TGFBR3: variants seen among roughly 807,000 people sequenced by gnomAD.
TGFBR3 encodes the protein transforming growth factor beta receptor 3.
Under a neutral mutation model 87.9 loss-of-function variants are expected in TGFBR3, and 46 were observed. That is an observed-to-expected ratio of 0.52 (90% CI 0.41 to 0.67). The LOEUF is 0.67. Ranked by LOEUF, TGFBR3 falls within the 30% of genes least tolerant of loss-of-function variation. The pLI is 0.00. For missense variants in TGFBR3, 866 were observed against 1,041.9 expected (o/e 0.83, Z 2.32); for synonymous variants, 381 against 391.6 (o/e 0.97, Z 0.32).
At chr1:91,865,844 G>A (rs1303643659) in intron 1 of TGFBR3, among the ~76,000 whole-genome samples, 4 of 151,684 alleles carry the variant, frequency 2.6e-5, no homozygotes, top group East Asian at 3.9e-4. Flanking sequence ...CCCAGGAGGC[G>A]GAGCTTGCAG....
intron 2 of TGFBR3, among the ~76,000 whole-genome samples, chr1:91,842,830 T>C (rs1677338636): frequency 6.6e-6 from 1 of 152,196 alleles, no homozygotes; most frequent in African/African-American, 2.4e-5. Flanking sequence ...TTAGCAGTAT[T>C]GTATAGATAA....
At chr1:91,733,902 G>A (rs1672859781) in intron 5 of TGFBR3, among the ~76,000 whole-genome samples, 1 of 152,050 alleles carries the variant, frequency 6.6e-6, no homozygotes, top group Non-Finnish European at 1.5e-5. Context: ...AGGTATGATG[G>A]CATATGCCTG....
chr1:91,778,000 A>G (rs1674626073), intron 3 of TGFBR3, among the ~76,000 whole-genome samples: 1 of 152,182 alleles, frequency 6.6e-6, no homozygotes, highest in Non-Finnish European at 1.5e-5. Flanking sequence ...AAAGATTCAC[A>G]TGTACTCTGT....
At chr1:91,715,529 ACT>A (rs1672135514) in intron 12 of TGFBR3, among the ~76,000 whole-genome samples, 1 of 151,928 alleles carries the variant, frequency 6.6e-6, no homozygotes, top group Admixed American at 6.6e-5. Context: ...AATACTTACA[ACT>A]CTGTTTGGCA....
intron 2 of TGFBR3, among the ~76,000 whole-genome samples, chr1:91,844,696 G>A (rs1173917414): frequency 1.3e-5 from 2 of 152,128 alleles, no homozygotes; most frequent in East Asian, 3.8e-4. Context: ...TTAACTATCA[G>A]TTGTAATGTT....
At chr1:91,759,596 A>G (rs1015986630) in intron 3 of TGFBR3, among the ~76,000 whole-genome samples, 10 of 152,136 alleles carry the variant, frequency 6.6e-5, no homozygotes. Context: ...TAGGAGAACA[A>G]AGGGATATAT....
chr1:91,745,033 CAT>C (rs1327065934), intron 4 of TGFBR3, among the ~76,000 whole-genome samples: 2 of 141,692 alleles, frequency 1.4e-5, no homozygotes, highest in Admixed American at 7.1e-5. Context: ...CACACACACA[CAT>C]CCCCTACAAC....
chr1:91,839,403 T>C (rs1677185156), intron 2 of TGFBR3, among the ~76,000 whole-genome samples: 1 of 152,216 alleles, frequency 6.6e-6, no homozygotes, highest in Non-Finnish European at 1.5e-5. Context: ...AAATTTTTCA[T>C]ACTCCGTAAC....
chr1:91,852,881 A>T (rs74574034), intron 2 of TGFBR3, among the ~76,000 whole-genome samples: 2 of 152,152 alleles, frequency 1.3e-5, no homozygotes, highest in Admixed American at 6.5e-5. Flanking sequence ...AAGGCCAGGC[A>T]TGATGGCTCA....
intron 16 of TGFBR3, 109 bp downstream of exon 16, chr1:91,695,563 G>C: frequency 1.1e-6 from 1 of 928,748 alleles, no homozygotes; most frequent in South Asian, 1.3e-5. Context: ...AAAATAGTAG[G>C]AATGAACTTT....
intron 2 of TGFBR3, among the ~76,000 whole-genome samples, chr1:91,813,108 T>C (rs1676084390): frequency 6.6e-6 from 1 of 152,188 alleles, no homozygotes; most frequent in South Asian, 2.1e-4. Context: ...ATATGGACTT[T>C]TGATGGCTAT....
chr1:91,852,800 A>C (rs914604228), intron 2 of TGFBR3, among the ~76,000 whole-genome samples: 4 of 152,222 alleles, frequency 2.6e-5, no homozygotes, highest in Non-Finnish European at 5.9e-5. Flanking sequence ...CTGGTATCAC[A>C]TTTGACAATA....
intron 1 of TGFBR3, chr1:91,862,116 A>T (rs1678227086): frequency 6.4e-6 from 1 of 155,340 alleles, no homozygotes; most frequent in African/African-American, 2.4e-5. Flanking sequence ...AGCCTCCCAA[A>T]GTGCTGGGAT....
intron 2 of TGFBR3, among the ~76,000 whole-genome samples, chr1:91,811,312 A>T (rs1469026145): frequency 2.0e-5 from 3 of 152,120 alleles, no homozygotes; most frequent in Non-Finnish European, 4.4e-5. Flanking sequence ...ACCTTGTCTT[A>T]AAAAATAAAT....
chr1:91,817,537 C>T (rs921128898), intron 2 of TGFBR3, among the ~76,000 whole-genome samples: 1 of 152,154 alleles, frequency 6.6e-6, no homozygotes, highest in Non-Finnish European at 1.5e-5. Context: ...TTTGAAATTA[C>T]TCACTTGATT....
chr1:91,903,241 A>T (rs1679770492), intron 1 of TGFBR3, among the ~76,000 whole-genome samples: 1 of 144,444 alleles, frequency 6.9e-6, no homozygotes, highest in Non-Finnish European at 1.5e-5. Flanking sequence ...CAGGAGGCTG[A>T]GGCATGAGAA....
intron 3 of TGFBR3, among the ~76,000 whole-genome samples, chr1:91,787,943 G>GGAAAAAAAAAAAAAAAAAAAAAAAA (rs945269870): frequency 7.5e-6 from 1 of 133,314 alleles, no homozygotes; most frequent in African/African-American, 3.1e-5. Flanking sequence ...GTCTCACGGG[G>GGAAAAAAAAAAAAAAAAAAAAAAAA]AAAAAAAAAA....
At chr1:91,764,602 C>A (rs114313116) in intron 3 of TGFBR3, among the ~76,000 whole-genome samples, 2,516 of 152,172 alleles carry the variant, frequency 0.017, 36 homozygotes, top group Middle Eastern at 0.041. Context: ...GCAGGCAAAG[C>A]GGAGACCCTG....
At chr1:91,761,792 G>A (rs1673975417) in intron 3 of TGFBR3, among the ~76,000 whole-genome samples, 1 of 151,528 alleles carries the variant, frequency 6.6e-6, no homozygotes, top group Non-Finnish European at 1.5e-5. Context: ...AAAAGAAAAA[G>A]AAAATCCTCC....
Sources: allele counts gnomAD v4.1 joint callset (sites outside exome capture counted in the v4.1 genomes callset), GRCh38; gene constraint gnomAD v4.1.1; transcripts MANE v1.5; gene names NCBI Gene and HGNC (gene_info 2026-07-23, HGNC 2026-07-21).